Variants in H6PD observed in about 807,000 individuals in gnomAD.
H6PD encodes GDH/6PGL endoplasmic bifunctional protein.
H6PD carries 48 observed loss-of-function variants against 61.2 expected under a neutral mutation model. That is an observed-to-expected ratio of 0.78 (90% confidence interval 0.62 to 1.00). The LOEUF is 1.00. H6PD is among the 50% of genes least tolerant of loss of function. The pLI, the probability that H6PD is intolerant of heterozygous loss-of-function variation, is 0.00. For missense variants in H6PD, 1,093 were observed against 1,065.0 expected (o/e 1.03, Z -0.37); for synonymous variants, 480 against 457.9 (o/e 1.05, Z -0.62).
Position 9,247,402 on chromosome 1 carries a change from C to T in H6PD, c.745+319C>T, listed in dbSNP as rs1641215125. On this transcript the variant is annotated intron_variant, in intron 3 of 4. Transcript: ENST00000377403. ...GAGTGCGTGGAGACCATGGGAACTG[C>T]GTGAGGGCTTCCCCGACTGTGGTGC... Among the ~76,000 whole-genome samples the T allele has an allele frequency of 2.0e-5, 3 of 152,156 alleles. No homozygotes were observed. In the South Asian group the frequency reaches 6.2e-4, roughly 32 times the overall value.
intron 2 of H6PD, 90 bp from the exon 3 acceptor site, chr1:9,246,876 A>G (rs1168584558): frequency 2.3e-6 from 2 of 869,234 alleles, no homozygotes; most frequent in Non-Finnish European, 4.0e-6. Context: ...TGAGCAGGGA[A>G]TAGAAAGGTC....
Position 9,245,936 on chromosome 1 carries a change from T to G in H6PD, c.627+375T>G, listed in dbSNP as rs1339657079. ...GGAATCAGAATGAGCTCTCTTCTCC[T>G]GCACCCATCCACCTTTTTTTTTTTT... On this transcript the variant is annotated intron_variant, in intron 2 of 4. Transcript: ENST00000377403. The surrounding 1 kb of genome is among the most constrained non-coding windows in gnomAD (Gnocchi z 4.8). 6.6e-6 allele frequency among the ~76,000 whole-genome samples: 1 copy of G among 151,204 alleles called. No homozygotes were observed. Among genetic ancestry groups the G allele is most frequent in the Non-Finnish European group, 1.5e-5 (1 of 67,862 alleles).
chr1:9,262,513 C>A lies in H6PD; in HGVS notation c.1015+185C>A, dbSNP rs1638357087. Among the ~76,000 whole-genome samples the A allele has an allele frequency of 2.0e-5, 3 of 152,240 alleles. No individual in the cohort carries two copies. The South Asian group carries it at 6.2e-4, about 32-fold the overall frequency. On this transcript the variant is annotated intron_variant, in intron 4 of 4. Coordinates refer to ENST00000377403, the MANE Select transcript of H6PD (RefSeq NM_004285.4). The stretch of plus-strand genomic sequence containing the variant: ...CTACCAGCCTAAAGTGGCAGGCCAG[C>A]TGGTGGTGCCCTCAGGGCGAAGGAC...
rs1453590107 is a variant in H6PD at position 9,244,901 on chromosome 1, C to T, written c.-10-24C>T. ...CCATGTCTGATCCTTCCTTGTTCCT[C>T]GTCTGTCTCTCTTTGCACCCCAGGC... On this transcript the variant is annotated intron_variant, in intron 1 of 4. Coordinates refer to ENST00000377403, the MANE Select transcript of H6PD (RefSeq NM_004285.4). The T allele has an allele frequency of 1.1e-5, 17 of 1,610,282 alleles. No homozygotes were observed. The East Asian group carries it at 1.1e-4, about 11-fold the overall frequency.
At chr1:9,236,814 G>T (rs1203937954) in intron 1 of H6PD, among the ~76,000 whole-genome samples, 1 of 152,092 alleles carries the variant, frequency 6.6e-6, no homozygotes, top group Admixed American at 6.5e-5. Context: ...CTTGTCTGAG[G>T]GTACATAGTT....
rs1339172368 is a variant in H6PD at position 9,263,970 on chromosome 1, C to T, written c.1477C>T (p.Leu493=). The T allele has an allele frequency of 1.9e-6, 3 of 1,614,228 alleles. No homozygotes were observed. The highest frequency in any genetic ancestry group is 1.7e-6 in the Non-Finnish European group (2 of 1,180,038). The change falls in exon 5 of 5, where the codon CTG becomes TTG. Residue 493 remains leucine, a synonymous_variant. Transcript: ENST00000377403. The part of the protein sequence containing the change: ...WNFWTPLLES[L]AHKAPRLYPG... ...CTTCTGGACCCCTCTGCTGGAGAGC[C>T]TGGCCCATAAGGCCCCACGCCTCTA...
rs778774889 is a variant in H6PD, at chr1:9,263,979, A to C, written c.1486A>C (p.Lys496Gln). The part of the protein sequence containing the change: ...WTPLLESLAH[K>Q]APRLYPGGAE... Reference sequence around the variant, plus strand: ...CCCTCTGCTGGAGAGCCTGGCCCATAAGGCCCCACGCCTCTACCCTGGAGG... The same window carrying C: ...CCCTCTGCTGGAGAGCCTGGCCCATCAGGCCCCACGCCTCTACCCTGGAGG... The change falls in exon 5 of 5, where the codon AAG (lysine) becomes CAG (glutamine). Residue 496 changes from lysine (K) to glutamine (Q), a missense_variant. Physicochemically the swap from Lys to Gln is moderately conservative, Grantham distance 53. Transcript: ENST00000377403. The C allele has an allele frequency of 5.0e-6, 8 of 1,614,156 alleles. No individual in the cohort carries two copies. The highest frequency in any genetic ancestry group is 6.8e-6 in the Non-Finnish European group (8 of 1,180,008).
intron 1 of H6PD, among the ~76,000 whole-genome samples, chr1:9,235,622 C>T (rs778887190): frequency 1.3e-5 from 2 of 152,088 alleles, no homozygotes; most frequent in Non-Finnish European, 2.9e-5. Flanking sequence ...AAATCTTTTA[C>T]TTATAAAAGA....
At chr1:9,258,147 G>A (rs1051209318) in intron 3 of H6PD, among the ~76,000 whole-genome samples, 1 of 152,254 alleles carries the variant, frequency 6.6e-6, no homozygotes, top group Non-Finnish European at 1.5e-5. Context: ...TGCTGTCAGC[G>A]TTGGTGTTGT....
chr1:9,264,512 T>C lies in H6PD; in HGVS notation c.2019T>C (p.Tyr673=), dbSNP rs9434742. 0.4 allele frequency: 643,528 copies of C among 1,612,808 alleles called. 130,814 individuals are homozygous for C. The highest frequency in any genetic ancestry group is 0.53 in the Middle Eastern group (3,190 of 6,060). The change falls in exon 5 of 5, where the codon TAT becomes TAC. Residue 673 remains tyrosine, a synonymous_variant. Transcript: ENST00000377403. The part of the protein sequence containing the change: ...CAEEDQGAQI[Y]AREISALVAN... ...AGGAGGACCAGGGCGCCCAGATCTA[T>C]GCCAGGGAGATCTCAGCCCTGGTGG...
intron 1 of H6PD, among the ~76,000 whole-genome samples, chr1:9,241,910 T>G (rs1641009981): frequency 6.6e-6 from 1 of 152,170 alleles, no homozygotes; most frequent in South Asian, 2.1e-4. Context: ...ACAAGACTGT[T>G]GTGAGGAATG....
rs532334855 is a variant in H6PD, at chr1:9,247,046, G to C, written c.708G>C (p.Arg236=). 6.8e-6 allele frequency: 11 copies of C among 1,613,746 alleles called. No individual in the cohort carries two copies. Among genetic ancestry groups the C allele is most frequent in the Non-Finnish European group, 9.3e-6 (11 of 1,179,750 alleles). The change falls in exon 3 of 5, where the codon CGG becomes CGC. Residue 236 remains arginine (R), a synonymous_variant. Coordinates refer to ENST00000377403, the MANE Select transcript of H6PD (RefSeq NM_004285.4). ...TCTGGAACCGGCACCATGTGGAGCG[G>C]GTGGAGATCATCATGAAAGAGACCG... ...DGLWNRHHVE[R]VEIIMKETVD... is the part of the protein sequence containing the mutation.
intron 3 of H6PD, among the ~76,000 whole-genome samples, chr1:9,258,879 C>T (rs552341245): frequency 7.2e-5 from 11 of 151,768 alleles, no homozygotes; most frequent in Non-Finnish European, 1.2e-4. Context: ...GTTGTTGTTA[C>T]GCTGGTGTTG....
chr1:9,240,978 T>G (rs1050513604), intron 1 of H6PD, among the ~76,000 whole-genome samples: 4 of 152,098 alleles, frequency 2.6e-5, no homozygotes, highest in Non-Finnish European at 4.4e-5. Flanking sequence ...TGGGCCTGCT[T>G]CTTTCCCTGT....
chr1:9,256,507 C>A (rs1641523375), intron 3 of H6PD, among the ~76,000 whole-genome samples: 1 of 152,162 alleles, frequency 6.6e-6, no homozygotes, highest in South Asian at 2.1e-4. Flanking sequence ...CCAGCCATGA[C>A]CTGGACATGC....
chr1:9,260,810 G>A (rs776474001), intron 3 of H6PD, among the ~76,000 whole-genome samples: 2 of 151,876 alleles, frequency 1.3e-5, no homozygotes, highest in East Asian at 1.9e-4. Flanking sequence ...CAGTTACCCC[G>A]TACACCTGAC....
intron 3 of H6PD, among the ~76,000 whole-genome samples, chr1:9,255,445 C>T (rs1641487117): frequency 6.6e-6 from 1 of 152,020 alleles, no homozygotes; most frequent in African/African-American, 2.4e-5. Context: ...CCATGCCCAG[C>T]TAATTTTTGT....
intron 3 of H6PD, among the ~76,000 whole-genome samples, chr1:9,253,503 A>T (rs555258323): frequency 6.6e-6 from 1 of 152,126 alleles, no homozygotes; most frequent in South Asian, 2.1e-4. Flanking sequence ...TTTTTTTCAT[A>T]TTTGGACGTC....
At chr1:9,260,649 TTAC>T (rs1638229418) in intron 3 of H6PD, among the ~76,000 whole-genome samples, 1 of 151,978 alleles carries the variant, frequency 6.6e-6, no homozygotes, top group African/African-American at 2.4e-5. Flanking sequence ...GTTGCTGTTG[TTAC>T]ATTGGTGTTG....
Sources: allele counts gnomAD v4.1 joint callset (sites outside exome capture counted in the v4.1 genomes callset), GRCh38; gene constraint gnomAD v4.1.1; non-coding constraint Gnocchi (gnomAD v3.1); transcripts MANE v1.5; gene names NCBI Gene and HGNC (gene_info 2026-07-23, HGNC 2026-07-21).